The following COPG2 variants were observed in gnomAD, a reference collection of about 807,000 sequenced individuals.
The protein encoded by COPG2 is coatomer subunit gamma-2.
COPG2 carries 37 observed loss-of-function variants against 46.3 expected under a neutral mutation model. The ratio of observed to expected loss-of-function variants is 0.80; its 90% CI spans 0.61 to 1.05. The LOEUF (loss-of-function observed/expected upper bound fraction) is 1.05, where lower values mean the gene tolerates loss of function less well. Ranked by LOEUF, COPG2 falls within the 50% of genes least tolerant of loss-of-function variation. The probability of loss-of-function intolerance (pLI) is 0.00; values close to 1 mark genes in which losing one functional copy is unlikely to be tolerated. For synonymous variants in COPG2, 159 were observed against 129.7 expected (o/e 1.23, Z -1.53); for missense variants, 427 against 387.8 (o/e 1.10, Z -0.85).
intron 20 of COPG2, among the ~76,000 whole-genome samples, chr7:130,540,250 G>C (rs1350707684): frequency 6.6e-6 from 1 of 152,088 alleles, no homozygotes; most frequent in Non-Finnish European, 1.5e-5. Flanking sequence ...AATACAGGCT[G>C]GGGTAGCCGT....
chr7:130,562,630 G>GGC (rs1206028809), intron 11 of COPG2, among the ~76,000 whole-genome samples: 1 of 152,062 alleles, frequency 6.6e-6, no homozygotes, highest in Non-Finnish European at 1.5e-5. Flanking sequence ...TTTGAAAGGT[G>GGC]GCTAATCCAA....
intron 5 of COPG2, among the ~76,000 whole-genome samples, chr7:130,623,668 A>G (rs1377980443): frequency 1.3e-5 from 2 of 152,144 alleles, no homozygotes; most frequent in Non-Finnish European, 2.9e-5. Context: ...TAAAATTTTT[A>G]TAACATTGAG....
intron 9 of COPG2, among the ~76,000 whole-genome samples, chr7:130,592,063 A>G (rs1182279049): frequency 4.6e-5 from 7 of 152,232 alleles, no homozygotes; most frequent in African/African-American, 1.7e-4. Context: ...CTAACAAAAA[A>G]TTCTTCTGCC....
chr7:130,551,172 C>A, intron 16 of COPG2, 69 bp downstream of exon 16: 1 of 397,294 alleles, frequency 2.5e-6, no homozygotes, highest in Non-Finnish European at 4.4e-6. Flanking sequence ...AGCTCATATG[C>A]AAATCATAAA....
chr7:130,667,409 G>T, intron 2 of COPG2, 73 bp downstream of exon 2: 1 of 1,217,442 alleles, frequency 8.2e-7, no homozygotes, highest in Non-Finnish European at 1.2e-6. Context: ...GATCACAGCA[G>T]CCCAGGGATT....
intron 4 of COPG2, among the ~76,000 whole-genome samples, chr7:130,655,989 T>C (rs1374997533): frequency 2.0e-5 from 3 of 152,182 alleles, no homozygotes; most frequent in Non-Finnish European, 4.4e-5. Context: ...ACACAGTCTA[T>C]ATGATTTCAA....
At chr7:130,577,939 C>T (rs574100874) in intron 9 of COPG2, among the ~76,000 whole-genome samples, 14 of 152,240 alleles carry the variant, frequency 9.2e-5, no homozygotes, top group African/African-American at 2.9e-4. Context: ...CCGCCATTGC[C>T]CAGGCTTGCT....
chr7:130,652,739 A>G, intron 5 of COPG2, 130 bp downstream of exon 5: 1 of 663,538 alleles, frequency 1.5e-6, no homozygotes, highest in Non-Finnish European at 2.6e-6. Flanking sequence ...TTCATTTTAG[A>G]AAAGAATGCT....
At chr7:130,623,047 T>G (rs1795063901) in intron 5 of COPG2, among the ~76,000 whole-genome samples, 1 of 152,164 alleles carries the variant, frequency 6.6e-6, no homozygotes, top group Non-Finnish European at 1.5e-5. Flanking sequence ...ATTCCAAATA[T>G]GCAAACTGGC....
intron 9 of COPG2, among the ~76,000 whole-genome samples, chr7:130,593,113 T>G (rs1165357318): frequency 6.6e-6 from 1 of 152,254 alleles, no homozygotes; most frequent in African/African-American, 2.4e-5. Context: ...CATTTGCGCT[T>G]AATTACATAA....
At chr7:130,521,030 T>C (rs1799719205) in intron 20 of COPG2, among the ~76,000 whole-genome samples, 1 of 152,018 alleles carries the variant, frequency 6.6e-6, no homozygotes, top group African/African-American at 2.4e-5. Flanking sequence ...ACTGAGAAAA[T>C]AGGTTGAGTT....
intron 9 of COPG2, among the ~76,000 whole-genome samples, chr7:130,601,211 T>C (rs1794626557): frequency 6.6e-6 from 1 of 152,236 alleles, no homozygotes; most frequent in Non-Finnish European, 1.5e-5. Context: ...TCTTTTACAC[T>C]GTTGGGAGTG....
chr7:130,554,867 G>A (rs1416169542), intron 13 of COPG2, 143 bp from the exon 14 acceptor site: 1 of 397,622 alleles, frequency 2.5e-6, no homozygotes, highest in Non-Finnish European at 4.4e-6. Context: ...TTCTCCAAGT[G>A]GGGAAAGCAA....
intron 1 of COPG2, among the ~76,000 whole-genome samples, chr7:130,668,017 G>C (rs1554461732): frequency 6.6e-6 from 1 of 152,104 alleles, no homozygotes; most frequent in East Asian, 1.9e-4. Context: ...CAAACACTGA[G>C]AATTTTTTTC....
chr7:130,529,198 A>T (rs1799801819), intron 20 of COPG2, among the ~76,000 whole-genome samples: 1 of 152,200 alleles, frequency 6.6e-6, no homozygotes, highest in Non-Finnish European at 1.5e-5. Context: ...CAATGTTGGC[A>T]GCAGCAAGGG....
chr7:130,575,964 G>C (rs1410671069), intron 9 of COPG2, among the ~76,000 whole-genome samples: 1 of 152,184 alleles, frequency 6.6e-6, no homozygotes, highest in Non-Finnish European at 1.5e-5. Flanking sequence ...GCAGTTAAAA[G>C]AGACAAAGGG....
At chr7:130,623,177 A>C (rs1379304899) in intron 5 of COPG2, among the ~76,000 whole-genome samples, 1 of 152,162 alleles carries the variant, frequency 6.6e-6, no homozygotes. Flanking sequence ...GATAATCCTC[A>C]ACCAACAGGA....
At chr7:130,583,062 G>A (rs1463446643) in intron 9 of COPG2, among the ~76,000 whole-genome samples, 1 of 150,930 alleles carries the variant, frequency 6.6e-6, no homozygotes, top group African/African-American at 2.4e-5. Context: ...GTTTATTGCA[G>A]CATTATTCAC....
At chr7:130,509,196 G>A (rs1264418471) in intron 20 of COPG2, 1 of 467,276 alleles carries the variant, frequency 2.1e-6, no homozygotes, top group East Asian at 6.2e-5. Flanking sequence ...AGCCTAAAGT[G>A]AGTAGGTCAG....
Sources: allele counts gnomAD v4.1 joint callset (sites outside exome capture counted in the v4.1 genomes callset), GRCh38; gene constraint gnomAD v4.1.1; transcripts MANE v1.5; gene names NCBI Gene and HGNC (gene_info 2026-07-23, HGNC 2026-07-21).